SMCHD1: variants seen among roughly 807,000 people sequenced by gnomAD.
SMCHD1 encodes structural maintenance of chromosomes flexible hinge domain-containing protein 1.
A neutral mutation model predicts 254.7 loss-of-function variants in SMCHD1; 78 were observed. That is an observed-to-expected ratio of 0.31 (90% CI 0.26 to 0.37). SMCHD1 has a LOEUF of 0.37. Ranked by LOEUF, SMCHD1 falls within the 10% of genes least tolerant of loss-of-function variation. SMCHD1 has a pLI of 1.00. For missense variants in SMCHD1, 1,840 were observed against 2,408.1 expected, an observed-to-expected ratio of 0.76 and a Z score of 4.94; for synonymous variants, 766 against 794.9, an observed-to-expected ratio of 0.96 and a Z score of 0.61.
chr18:2,675,254 A>G (rs2073715036), intron 5 of SMCHD1, among the ~76,000 whole-genome samples: 1 of 144,984 alleles, frequency 6.9e-6, no homozygotes, highest in African/African-American at 2.6e-5. Context: ...CTCATTCCTG[A>G]CCTCAGCCTT....
At chr18:2,761,782 C>A (rs1025238626) in intron 35 of SMCHD1, among the ~76,000 whole-genome samples, 6 of 152,180 alleles carry the variant, frequency 3.9e-5, no homozygotes, top group Admixed American at 3.9e-4. Flanking sequence ...CACCCCTCTG[C>A]ACTCCAGCCT....
chr18:2,670,011 T>A (rs2073552008), intron 3 of SMCHD1, among the ~76,000 whole-genome samples: 1 of 152,170 alleles, frequency 6.6e-6, no homozygotes, highest in African/African-American at 2.4e-5. Flanking sequence ...GGAGGCACCA[T>A]TGTATCACCC....
At chr18:2,666,776 A>G in intron 2 of SMCHD1, 94 bp from the exon 3 acceptor site, 1 of 1,022,648 alleles carries the variant, frequency 9.8e-7, no homozygotes, top group Non-Finnish European at 1.4e-6. Flanking sequence ...ATCATTAAAG[A>G]TATTTCATAG....
intron 3 of SMCHD1, among the ~76,000 whole-genome samples, chr18:2,672,728 G>T (rs2073645542): frequency 6.6e-6 from 1 of 152,194 alleles, no homozygotes; most frequent in South Asian, 2.1e-4. Flanking sequence ...GTGTGGTAGT[G>T]AATCTATAGC....
At chr18:2,686,563 T>A (rs892094836) in intron 5 of SMCHD1, among the ~76,000 whole-genome samples, 9 of 152,180 alleles carry the variant, frequency 5.9e-5, no homozygotes, top group Non-Finnish European at 1.2e-4. Flanking sequence ...ATTTTTTTTT[T>A]AAATCATCAG....
In SMCHD1 at chr18:2,718,773, G is replaced by A. The variant is rs2074858120; in HGVS notation, c.2458+339G>A. Among the ~76,000 whole-genome samples, 1 of 151,924 alleles carries A rather than the reference G, an allele frequency of 6.6e-6. No individual in the cohort carries two copies. Among genetic ancestry groups the A allele is most frequent in the South Asian group, 2.1e-4 (1 of 4,816 alleles). On this transcript the variant is annotated intron_variant, in intron 19 of 47. Transcript: ENST00000320876. This position sits in a 1 kb window ranked among gnomAD's most constrained non-coding sequence, Gnocchi z 4.6. The stretch of plus-strand genomic sequence containing the variant: ...TCGCCATGTTGACTAGGCTGGTCTC[G>A]ATCTCATAACTTCTGATGATCTACC...
intron 37 of SMCHD1, among the ~76,000 whole-genome samples, chr18:2,768,660 AG>A (rs2075916327): frequency 8.2e-6 from 1 of 122,558 alleles, no homozygotes; most frequent in Admixed American, 8.8e-5. Context: ...TATATAGTAT[AG>A]TATATAGTGT....
Position 2,694,681 on chromosome 18 carries a change from C to T in SMCHD1, c.1028C>T (p.Thr343Ile). ...TTGAAAAATTATTTCCACCTTTGGA[C>T]ACGACAGTTAGCGTAAGTAATTATA... ...QYLKNYFHLW[T>I]RQLAHIYHYY... Residue 343 changes from threonine (T) to isoleucine (I), a missense_variant, in exon 8 of 48, where the codon ACA (threonine) becomes ATA (isoleucine). Around this residue, in one of 9 missense-constraint regions of SMCHD1, gnomAD observed 498 missense variants for 743.5 expected, o/e 0.67. Coordinates refer to ENST00000320876, the MANE Select transcript of SMCHD1 (RefSeq NM_015295.3). 1 of 1,611,186 alleles carries T rather than the reference C, an allele frequency of 6.2e-7. No homozygotes were observed. Among genetic ancestry groups the T allele is most frequent in the South Asian group, 1.1e-5 (1 of 90,462 alleles).
chr18:2,733,893 T>A (rs1398627701), intron 25 of SMCHD1, among the ~76,000 whole-genome samples: 1 of 152,234 alleles, frequency 6.6e-6, no homozygotes, highest in African/African-American at 2.4e-5. Flanking sequence ...CATTCCTCCA[T>A]GTCTGGAGAG....
chr18:2,729,457 AAT>A, intron 24 of SMCHD1, 48 bp downstream of exon 24: 1 of 1,335,148 alleles, frequency 7.5e-7, no homozygotes, highest in Non-Finnish European at 9.8e-7. Context: ...TCTTCATACA[AAT>A]AGTCTTCAAC....
chr18:2,671,318 G>A (rs1206952619), intron 3 of SMCHD1, among the ~76,000 whole-genome samples: 1 of 152,062 alleles, frequency 6.6e-6, no homozygotes, highest in East Asian at 1.9e-4. Flanking sequence ...AACTCTTAAT[G>A]TAGTTTATGT....
At position 2,772,261 on chromosome 18, in the gene SMCHD1, T is replaced by G; in HGVS notation, c.5064T>G (p.Ile1688Met). 1 of 1,595,022 alleles carries G rather than the reference T, an allele frequency of 6.3e-7. No homozygotes were observed. Among genetic ancestry groups the G allele is most frequent in the East Asian group, 2.3e-5 (1 of 44,040 alleles). Residue 1688 changes from isoleucine to methionine, a missense_variant, in exon 41 of 48, where the codon ATT becomes ATG. By Grantham distance (10) the Ile-to-Met change is conservative. Transcript: ENST00000320876. Reference protein sequence around the residue: ...DIPTTQQVPHIEALLKRKLSE... With the variant: ...DIPTTQQVPHMEALLKRKLSE... ...TTTATAAATTATAGGTGCCACACATTGAAGCACTTCTGAAAAGAAAGCTAT... is the reference window on the plus strand; with the variant it reads ...TTTATAAATTATAGGTGCCACACATGGAAGCACTTCTGAAAAGAAAGCTAT...
rs567641483 is a variant in SMCHD1, at chr18:2,803,220, A to G, written c.*668A>G. 1 of 147,396 alleles carries G rather than the reference A, an allele frequency of 6.8e-6. No individual in the cohort carries two copies. Among genetic ancestry groups the G allele is most frequent in the East Asian group, 2.0e-4 (1 of 5,126 alleles). The allele number at this position is 147,396 out of a possible 1,614,324, so 9.1% of individuals were successfully genotyped here. On this transcript the variant is annotated 3_prime_UTR_variant, in exon 48 of 48. Coordinates refer to ENST00000320876, the MANE Select transcript of SMCHD1 (RefSeq NM_015295.3). ...TGTGTATATATATATATATATATAA[A>G]TATATATATATAAAATATTCAGCAG...
chr18:2,708,893 T>TAA lies in SMCHD1; in HGVS notation c.2260+974_2260+975insAA, dbSNP rs1373092422. On this transcript the variant is annotated intron_variant, in intron 17 of 47. Coordinates refer to ENST00000320876, the MANE Select transcript of SMCHD1 (RefSeq NM_015295.3). ...ATATATATATATATATATATATATATATATATATATATATAACATATTAAC... is the reference window on the plus strand; with the variant it reads ...ATATATATATATATATATATATATATAAATATATATATATATAACATATTAAC... Among the ~76,000 whole-genome samples, 3 of 74,328 alleles carry TAA rather than the reference T, an allele frequency of 4.0e-5. 1 individual carries two copies. The highest frequency in any genetic ancestry group is 7.1e-5 in the Non-Finnish European group (3 of 42,312). 48.8% of individuals were successfully genotyped at this position (74,328 alleles called of 152,430 possible). A position where few individuals can be genotyped will look rare whatever the true frequency, so the allele number is the denominator to read the frequency against.
At position 2,671,022 on chromosome 18, in the gene SMCHD1, C is replaced by T. The variant is rs189704153; in HGVS notation, c.425-2259C>T. Reference sequence around the variant, plus strand: ...CGTGATCTCGGCTCACCGCAACCTCCGCCTCCTGGGTTCAAGCAATTCCCC... The same window carrying T: ...CGTGATCTCGGCTCACCGCAACCTCTGCCTCCTGGGTTCAAGCAATTCCCC... On this transcript the variant is annotated intron_variant, in intron 3 of 47. Transcript: ENST00000320876. Among the ~76,000 whole-genome samples the T allele has an allele frequency of 9.7e-3, 1,460 of 150,258 alleles. 18 individuals carry two copies. The highest frequency in any genetic ancestry group is 0.034 in the African/African-American group (1,381 of 40,630).
At chr18:2,744,743 G>A (rs947758563) in intron 29 of SMCHD1, among the ~76,000 whole-genome samples, 8 of 152,100 alleles carry the variant, frequency 5.3e-5, no homozygotes, top group Non-Finnish European at 1.0e-4. Flanking sequence ...CTGAAATTTT[G>A]TATCCTTTGA....
At position 2,655,967 on chromosome 18, in the gene SMCHD1, G is replaced by A; in HGVS notation, c.-109G>A. On this transcript the variant is annotated 5_prime_UTR_variant, in exon 1 of 48. Coordinates refer to ENST00000320876, the MANE Select transcript of SMCHD1 (RefSeq NM_015295.3). ...GAGGAGCTGCAGCGCGCCGGGCCGAGGCCTCGAGCCGCCCCGGGAGCTGGA... is the reference window on the plus strand; with the variant it reads ...GAGGAGCTGCAGCGCGCCGGGCCGAAGCCTCGAGCCGCCCCGGGAGCTGGA... 1 of 879,478 alleles carries A rather than the reference G, an allele frequency of 1.1e-6. No homozygotes were observed. Among genetic ancestry groups the A allele is most frequent in the Non-Finnish European group, 1.5e-6 (1 of 666,630 alleles). The allele number at this position is 879,478 out of a possible 1,614,324, so 54.5% of individuals were successfully genotyped here.
intron 30 of SMCHD1, among the ~76,000 whole-genome samples, chr18:2,749,166 A>G (rs1027193806): frequency 6.6e-6 from 1 of 152,216 alleles, no homozygotes; most frequent in Non-Finnish European, 1.5e-5. Flanking sequence ...TTGAGAGACA[A>G]TGGACCAGAG....
Position 2,743,912 on chromosome 18 carries a change from G to T in SMCHD1, c.3785G>T (p.Trp1262Leu). Residue 1262 changes from tryptophan (W) to leucine (L), a missense_variant, in exon 29 of 48, where the codon TGG (tryptophan) becomes TTG (leucine). By Grantham distance (61) the Trp-to-Leu change is moderately conservative. Transcript: ENST00000320876. ...GPPAKLLLID[W>L]PELKESIPVI... is the part of the protein sequence containing the mutation. The stretch of plus-strand genomic sequence containing the variant: ...CCTGCTAAACTTCTCCTTATAGACT[G>T]GCCAGAACTAAAGGAGGTAAGTCAC... 6.2e-7 allele frequency: 1 copy of T among 1,610,658 alleles called. No individual in the cohort carries two copies. The highest frequency in any genetic ancestry group is 8.5e-7 in the Non-Finnish European group (1 of 1,178,502).
Sources: allele counts gnomAD v4.1 joint callset (sites outside exome capture counted in the v4.1 genomes callset), GRCh38; gene constraint gnomAD v4.1.1; regional missense constraint gnomAD v4.1.1; non-coding constraint Gnocchi (gnomAD v3.1); transcripts MANE v1.5; gene names NCBI Gene and HGNC (gene_info 2026-07-23, HGNC 2026-07-21).